The following ANKRD17 variants were observed in gnomAD, a reference collection of about 807,000 sequenced individuals.
The protein encoded by ANKRD17 is ankyrin repeat domain 17.
A neutral mutation model predicts 229.7 loss-of-function variants in ANKRD17; 19 were observed. The ratio of observed to expected loss-of-function variants is 0.08; its 90% CI spans 0.06 to 0.12. The LOEUF (loss-of-function observed/expected upper bound fraction) is 0.12, where lower values mean the gene tolerates loss of function less well. Among genes scored for constraint, ANKRD17 ranks in the 10% least tolerant of loss-of-function variants. The pLI is 1.00. For missense variants in ANKRD17, 2,176 were observed against 3,176.8 expected, an observed-to-expected ratio of 0.68 and a Z score of 7.57; for synonymous variants, 1,112 against 1,146.1, an observed-to-expected ratio of 0.97 and a Z score of 0.60.
chr4:73,214,690 G>C lies in ANKRD17; in HGVS notation c.394-37157C>G, dbSNP rs1740764255. ...ACCCAGTTTCCTTCATGAAGCAGTA[G>C]AAAATATCATTCTTAAACATTTTCA... On this transcript the variant is annotated intron_variant, in intron 1 of 33. Transcript: ENST00000358602. 5.3e-5 allele frequency among the ~76,000 whole-genome samples: 8 copies of C among 151,270 alleles called. No homozygotes were observed. In the South Asian group the frequency reaches 1.5e-3, roughly 28 times the overall value.
At chr4:73,201,866 T>A (rs1355134333) in intron 1 of ANKRD17, among the ~76,000 whole-genome samples, 1 of 152,164 alleles carries the variant, frequency 6.6e-6, no homozygotes, top group Non-Finnish European at 1.5e-5. Flanking sequence ...CTGTGAAACA[T>A]AAACATATTA....
At chr4:73,167,943 G>C (rs1733448228) in intron 2 of ANKRD17, among the ~76,000 whole-genome samples, 1 of 152,080 alleles carries the variant, frequency 6.6e-6, no homozygotes, top group African/African-American at 2.4e-5. Context: ...ACGAGGTCAG[G>C]AGATCGACAC....
At position 73,090,976 on chromosome 4, in the gene ANKRD17, C is replaced by G. The variant is rs1200885126; in HGVS notation, c.6652G>C (p.Val2218Leu). ...GTACTTAAGGTCGAAGGTAGCTGGA[C>G]AGAAGAGGGAACACTGTGAGGTCTT... ...IKRPHSVPSS[V>L]QLPSTLSTQS... Residue 2218 changes from valine (V) to leucine (L), a missense_variant, in exon 29 of 34, where the codon GTC (valine) becomes CTC (leucine). Val to Leu is a conservative substitution (Grantham distance 32). Coordinates refer to ENST00000358602, the MANE Select transcript of ANKRD17 (RefSeq NM_032217.5). The G allele has an allele frequency of 6.2e-7, 1 of 1,614,102 alleles. No individual in the cohort carries two copies. Among genetic ancestry groups the G allele is most frequent in the Non-Finnish European group, 8.5e-7 (1 of 1,180,054 alleles).
intron 1 of ANKRD17, among the ~76,000 whole-genome samples, chr4:73,239,543 T>C (rs1261453025): frequency 2.0e-5 from 3 of 152,176 alleles, no homozygotes; most frequent in South Asian, 4.1e-4. Flanking sequence ...AATATTTTTA[T>C]AATGATCTCA....
intron 1 of ANKRD17, among the ~76,000 whole-genome samples, chr4:73,243,981 G>A (rs565890319): frequency 6.6e-6 from 1 of 152,246 alleles, no homozygotes; most frequent in Admixed American, 6.5e-5. Context: ...TCTGGAGACT[G>A]TAAGTCCAAG....
In ANKRD17 at chr4:73,076,092, A is replaced by T; in HGVS notation, c.*139T>A. ...AATGTTCACAGAAAATAGGTCAGTTAGTAAGATCTTCTGCAAAAAGCCTAC... is the reference window on the plus strand; with the variant it reads ...AATGTTCACAGAAAATAGGTCAGTTTGTAAGATCTTCTGCAAAAAGCCTAC... On this transcript the variant is annotated 3_prime_UTR_variant, in exon 34 of 34. Coordinates refer to ENST00000358602, the MANE Select transcript of ANKRD17 (RefSeq NM_032217.5). The T allele has an allele frequency of 1.9e-6, 1 of 533,294 alleles. No individual in the cohort carries two copies. Among genetic ancestry groups the T allele is most frequent in the Non-Finnish European group, 3.1e-6 (1 of 317,704 alleles). The allele number at this position is 533,294 out of a possible 1,614,324, so 33.0% of individuals were successfully genotyped here. A position where few individuals can be genotyped will look rare whatever the true frequency, so the allele number is the denominator to read the frequency against.
rs765488892 is a variant in ANKRD17, at chr4:73,146,879, G to A, written c.1760-6C>T. On this transcript the variant is annotated splice_polypyrimidine_tract_variant and splice_region_variant and intron_variant, in intron 9 of 33. Transcript: ENST00000358602. The stretch of plus-strand genomic sequence containing the variant: ...TGTTGCATGAACGTTAGCTCCTGTA[G>A]TAGTCAACAAATAATACATAGACTT... 4 of 1,600,436 alleles carry A rather than the reference G, an allele frequency of 2.5e-6. No individual in the cohort carries two copies. The highest frequency in any genetic ancestry group is 3.4e-5 in the Admixed American group (2 of 59,552).
At chr4:73,253,350 G>A (rs1745193352) in intron 1 of ANKRD17, among the ~76,000 whole-genome samples, 1 of 152,182 alleles carries the variant, frequency 6.6e-6, no homozygotes, top group African/African-American at 2.4e-5. Flanking sequence ...ACGCAGTACA[G>A]CACAATACCT....
Position 73,140,301 on chromosome 4 carries a change from C to A in ANKRD17, c.2333-18G>T. The A allele has an allele frequency of 6.4e-7, 1 of 1,563,352 alleles. No individual in the cohort carries two copies. Among genetic ancestry groups the A allele is most frequent in the Non-Finnish European group, 8.6e-7 (1 of 1,162,508 alleles). ...AGAAGCAGCTGTGTGAAAAAGAAAC[C>A]CCCTCAGAAGTGCACATGAATGGCA... On this transcript the variant is annotated intron_variant, in intron 14 of 33. Coordinates refer to ENST00000358602, the MANE Select transcript of ANKRD17 (RefSeq NM_032217.5).
At chr4:73,152,453 T>G (rs1308141698) in intron 6 of ANKRD17, among the ~76,000 whole-genome samples, 2 of 152,068 alleles carry the variant, frequency 1.3e-5, no homozygotes, top group Non-Finnish European at 2.9e-5. Flanking sequence ...CTCCTCCTTG[T>G]CAGTCTATAT....
intron 23 of ANKRD17, 119 bp from the exon 24 acceptor site, chr4:73,114,027 AGGGGG>A: frequency 1.6e-6 from 1 of 643,152 alleles, no homozygotes; most frequent in Non-Finnish European, 2.7e-6. Context: ...GATCCATGAA[AGGGGG>A]AAAAAAGGTG....
At chr4:73,190,095 G>A (rs151171130) in intron 1 of ANKRD17, among the ~76,000 whole-genome samples, 127 of 152,226 alleles carry the variant, frequency 8.3e-4, no homozygotes, top group African/African-American at 2.9e-3. Context: ...GGGGCTGGGC[G>A]CGGTGGCTTA....
In ANKRD17 at chr4:73,091,276, C is replaced by T; in HGVS notation, c.6352G>A (p.Glu2118Lys). 1 of 1,614,162 alleles carries T rather than the reference C, an allele frequency of 6.2e-7. No homozygotes were observed. The highest frequency in any genetic ancestry group is 2.2e-5 in the East Asian group (1 of 44,884). ...QQQPPGSVSQ[E>K]PRPPLQQSQV... is the part of the protein sequence containing the mutation. ...GACTGCTGAAGAGGTGGTCTTGGTT[C>T]CTGAGAAACAGATCCCGGAGGTTGT... Residue 2118 changes from glutamate to lysine, a missense_variant, in exon 29 of 34, where the codon GAA (glutamate) becomes AAA (lysine). Physicochemically the swap from Glu to Lys is moderately conservative, Grantham distance 56 (BLOSUM62 1). This residue lies in a region of ANKRD17 where 424 missense variants were observed against 454.0 expected (regional missense o/e 0.93). Coordinates refer to ENST00000358602, the MANE Select transcript of ANKRD17 (RefSeq NM_032217.5).
At position 73,089,435 on chromosome 4, in the gene ANKRD17, C is replaced by A. The variant is rs187004233; in HGVS notation, c.6961+1232G>T. Among the ~76,000 whole-genome samples the A allele has an allele frequency of 1.5e-3, 221 of 152,194 alleles. 2 individuals carry two copies. Among genetic ancestry groups the A allele is most frequent in the Admixed American group, 3.1e-3 (48 of 15,288 alleles). Reference sequence around the variant, plus strand: ...TAGACCATAGTGTGTCCATCTCTTACGTGGACTATCTTTAATTACTTGAAA... The same window carrying A: ...TAGACCATAGTGTGTCCATCTCTTAAGTGGACTATCTTTAATTACTTGAAA... On this transcript the variant is annotated intron_variant, in intron 29 of 33. Transcript: ENST00000358602.
intron 3 of ANKRD17, among the ~76,000 whole-genome samples, chr4:73,157,755 C>T (rs1001431073): frequency 2.0e-5 from 3 of 152,106 alleles, no homozygotes; most frequent in Non-Finnish European, 4.4e-5. Flanking sequence ...CCTTCAGGCT[C>T]TTTTCAACAA....
chr4:73,140,398 G>T, intron 14 of ANKRD17, 115 bp from the exon 15 acceptor site: 1 of 1,033,160 alleles, frequency 9.7e-7, no homozygotes, highest in Non-Finnish European at 1.3e-6. Flanking sequence ...ATCCATAACA[G>T]GTGAAAATGC....
chr4:73,127,478 A>T (rs1727627676), intron 16 of ANKRD17, among the ~76,000 whole-genome samples: 1 of 152,166 alleles, frequency 6.6e-6, no homozygotes, highest in Non-Finnish European at 1.5e-5. Context: ...ATATTTTTCA[A>T]CTGAACAGTG....
At chr4:73,204,358 C>CAAAAAAA (rs374000000) in intron 1 of ANKRD17, among the ~76,000 whole-genome samples, 22 of 59,078 alleles carry the variant, frequency 3.7e-4, no homozygotes, top group South Asian at 7.4e-4. Context: ...GAGACTCCGT[C>CAAAAAAA]AAAAAAAAAA....
At chr4:73,179,408 A>G (rs1735145995) in intron 1 of ANKRD17, among the ~76,000 whole-genome samples, 1 of 145,744 alleles carries the variant, frequency 6.9e-6, no homozygotes, top group Admixed American at 6.9e-5. Context: ...TTTAAATTAT[A>G]TATATATGTG....
Sources: gnomAD v4.1 joint callset for allele counts (sites outside exome capture counted in the v4.1 genomes callset) on GRCh38, gnomAD v4.1.1 for gene constraint, gnomAD v4.1.1 regional missense constraint, MANE v1.5 for transcripts, NCBI Gene and HGNC (gene_info 2026-07-23, HGNC 2026-07-21) for gene names.